Variants in CNTNAP4 observed in about 807,000 individuals in gnomAD.
CNTNAP4 encodes the protein contactin-associated protein-like 4.
A neutral mutation model predicts 148.4 loss-of-function variants in CNTNAP4; 98 were observed. That is an observed-to-expected ratio of 0.66 (90% CI 0.56 to 0.78). The LOEUF (loss-of-function observed/expected upper bound fraction) is 0.78. Ranked by LOEUF, CNTNAP4 falls within the 30% of genes least tolerant of loss-of-function variation. The pLI, the probability that CNTNAP4 is intolerant of heterozygous loss-of-function variation, is 0.00. For synonymous variants in CNTNAP4, 730 were observed against 565.1 expected (o/e 1.29, Z -4.14); for missense variants, 1,935 against 1,565.6 (o/e 1.24, Z -3.98).
chr16:76,549,010 C>T (rs1276968878), intron 21 of CNTNAP4, among the ~76,000 whole-genome samples: 5 of 152,038 alleles, frequency 3.3e-5, no homozygotes, highest in Non-Finnish European at 5.9e-5. Flanking sequence ...CCTCCACTTC[C>T]GATTCGAATT....
At chr16:76,286,617 A>G (rs1046417401) in intron 1 of CNTNAP4, among the ~76,000 whole-genome samples, 3 of 152,176 alleles carry the variant, frequency 2.0e-5, no homozygotes, top group African/African-American at 7.2e-5. Context: ...TGGCTTAAAA[A>G]TCACTAGATA....
At chr16:76,448,265 C>A (rs57938351) in intron 5 of CNTNAP4, 50 bp downstream of exon 5, 3 of 1,324,450 alleles carry the variant, frequency 2.3e-6, no homozygotes, top group Non-Finnish European at 2.1e-6. Context: ...TAGATATCAC[C>A]TAAGTCACTT....
At chr16:76,355,840 TTTTATTTATTTATTTATTTATTTA>T (rs138725617) in intron 3 of CNTNAP4, among the ~76,000 whole-genome samples, 13 of 141,778 alleles carry the variant, frequency 9.2e-5, no homozygotes, top group East Asian at 6.3e-4. Flanking sequence ...TTGCATTGTC[TTTTATTTATTTATTTATTTATTTA>T]TTTATTTATT....
At chr16:76,411,370 A>G (rs2078784993) in intron 3 of CNTNAP4, among the ~76,000 whole-genome samples, 1 of 151,448 alleles carries the variant, frequency 6.6e-6, no homozygotes, top group Non-Finnish European at 1.5e-5. Flanking sequence ...TAAAAACAAT[A>G]GAATATACAG....
At chr16:76,429,607 C>A (rs1319167644) in intron 4 of CNTNAP4, among the ~76,000 whole-genome samples, 1 of 152,194 alleles carries the variant, frequency 6.6e-6, no homozygotes, top group South Asian at 2.1e-4. Flanking sequence ...TTTAGTGGGA[C>A]TGTTTATGCT....
chr16:76,480,557 G>T (rs1158648822), intron 12 of CNTNAP4, among the ~76,000 whole-genome samples: 1 of 152,104 alleles, frequency 6.6e-6, no homozygotes, highest in Non-Finnish European at 1.5e-5. Context: ...GGCCAACATG[G>T]TGAAATCTCG....
chr16:76,416,636 AAG>A (rs2078993716), intron 3 of CNTNAP4, among the ~76,000 whole-genome samples: 2 of 151,468 alleles, frequency 1.3e-5, no homozygotes, highest in Non-Finnish European at 3.0e-5. Flanking sequence ...ATAAATTTGC[AAG>A]AGTGTGTTTT....
chr16:76,413,033 A>G (rs546463838), intron 3 of CNTNAP4, among the ~76,000 whole-genome samples: 1 of 151,484 alleles, frequency 6.6e-6, no homozygotes, highest in South Asian at 2.1e-4. Flanking sequence ...GTTTTGATAC[A>G]TGCATGCAGT....
chr16:76,553,685 C>A, intron 22 of CNTNAP4, 151 bp from the exon 23 acceptor site: 1 of 642,740 alleles, frequency 1.6e-6, no homozygotes, highest in Non-Finnish European at 2.7e-6. Context: ...TTATGGGGGT[C>A]ATTGCCATTG....
chr16:76,298,058 T>C (rs1044030832), intron 1 of CNTNAP4, among the ~76,000 whole-genome samples: 4 of 152,172 alleles, frequency 2.6e-5, no homozygotes, highest in Non-Finnish European at 5.9e-5. Context: ...GCTGCCTCTT[T>C]AGTGTCCCTA....
At chr16:76,312,357 A>G (rs966197983) in intron 1 of CNTNAP4, among the ~76,000 whole-genome samples, 2 of 152,164 alleles carry the variant, frequency 1.3e-5, no homozygotes, top group Admixed American at 1.3e-4. Context: ...TCTGAATTGG[A>G]ATGTGGTCCT....
chr16:76,394,619 A>C (rs2078135280), intron 3 of CNTNAP4, among the ~76,000 whole-genome samples: 1 of 152,178 alleles, frequency 6.6e-6, no homozygotes, highest in Non-Finnish European at 1.5e-5. Context: ...GAGGTTTATA[A>C]TGAAAGTTTT....
chr16:76,460,773 A>AAAAAAAAATATATATATATATATAT, intron 8 of CNTNAP4, among the ~76,000 whole-genome samples: 1 of 57,324 alleles, frequency 1.7e-5, no homozygotes, highest in Non-Finnish European at 3.3e-5. Flanking sequence ...AAAAAAAAAA[A>AAAAAAAAATATATATATATATATAT]ATATATATAT....
chr16:76,396,312 G>C (rs997150848), intron 3 of CNTNAP4, among the ~76,000 whole-genome samples: 9 of 152,168 alleles, frequency 5.9e-5, no homozygotes, highest in Admixed American at 2.6e-4. Flanking sequence ...TCACAAGCCA[G>C]ACACCACCAG....
chr16:76,421,923 A>C lies in CNTNAP4; in HGVS notation c.391-5529A>C, dbSNP rs1015481770. Among the ~76,000 whole-genome samples the C allele has an allele frequency of 1.1e-3, 173 of 152,250 alleles. 2 individuals carry two copies. In the East Asian group the frequency reaches 0.026, roughly 23 times the overall value. On this transcript the variant is annotated intron_variant, in intron 3 of 23. Coordinates refer to ENST00000611870, the MANE Select transcript of CNTNAP4 (RefSeq NM_033401.5). ...ATGTGTAACGGGTCCCATGTTTCTG[A>C]TTTATAACAGTGACGTTTTAGAGCT...
chr16:76,326,047 A>G (rs908761437), intron 2 of CNTNAP4, among the ~76,000 whole-genome samples: 1 of 152,226 alleles, frequency 6.6e-6, no homozygotes, highest in Non-Finnish European at 1.5e-5. Context: ...AACATATTTA[A>G]GGAAGATATG....
intron 2 of CNTNAP4, among the ~76,000 whole-genome samples, chr16:76,324,239 C>T (rs762348677): frequency 1.3e-5 from 2 of 152,180 alleles, no homozygotes; most frequent in Non-Finnish European, 2.9e-5. Context: ...GAAATCGATA[C>T]AGTGGCTCAA....
intron 8 of CNTNAP4, among the ~76,000 whole-genome samples, chr16:76,456,604 G>A (rs1401606680): frequency 7.5e-6 from 1 of 133,648 alleles, no homozygotes; most frequent in Non-Finnish European, 1.7e-5. Flanking sequence ...GGTGTTCTGT[G>A]TTATTGTTGA....
At chr16:76,434,082 G>A (rs568579363) in intron 4 of CNTNAP4, among the ~76,000 whole-genome samples, 5 of 146,270 alleles carry the variant, frequency 3.4e-5, no homozygotes, top group South Asian at 4.4e-4. Flanking sequence ...ATATACAAAG[G>A]GATATATATC....
Sources: allele counts gnomAD v4.1 joint callset (sites outside exome capture counted in the v4.1 genomes callset), GRCh38; gene constraint gnomAD v4.1.1; transcripts MANE v1.5; gene names NCBI Gene and HGNC (gene_info 2026-07-23, HGNC 2026-07-21).